STK33: variants seen among roughly 807,000 people sequenced by gnomAD.
STK33 encodes the protein serine/threonine kinase 33.
STK33 carries 52 observed loss-of-function variants against 58.0 expected under a neutral mutation model. The observed-to-expected ratio is 0.90, with a 90% CI of 0.72 to 1.13. The LOEUF is 1.13. Among genes scored for constraint, STK33 ranks in the 50% most tolerant of loss-of-function variants. The pLI is 0.00. For synonymous variants in STK33, 215 were observed against 200.1 expected (o/e 1.07, Z -0.63); for missense variants, 630 against 604.2 (o/e 1.04, Z -0.45).
chr11:8,345,498 C>G, the STK33 span, among the ~76,000 whole-genome samples: 4 of 152,332 alleles, frequency 2.6e-5, no homozygotes, highest in African/African-American at 9.6e-5. Flanking sequence ...CGGATCTTCA[C>G]GGAGCTAACG....
chr11:8,390,299 G>T (rs143837207), downstream of STK33, among the ~76,000 whole-genome samples: 1 of 152,118 alleles, frequency 6.6e-6, no homozygotes, highest in African/African-American at 2.4e-5. Flanking sequence ...ACTATGTCCC[G>T]CTGGATCACA....
chr11:8,472,741 G>A (rs968402941), intron 6 of STK33, among the ~76,000 whole-genome samples: 8 of 151,884 alleles, frequency 5.3e-5, no homozygotes, highest in African/African-American at 1.7e-4. Flanking sequence ...AATAGTATTG[G>A]TATTTATCCA....
At chr11:8,580,360 C>T (rs540466852) in intron 1 of STK33, among the ~76,000 whole-genome samples, 27 of 152,070 alleles carry the variant, frequency 1.8e-4, no homozygotes, top group African/African-American at 6.5e-4. Context: ...CGAAATGAGC[C>T]AGGCACAGAA....
intron 1 of STK33, among the ~76,000 whole-genome samples, chr11:8,487,056 G>A (rs1015953929): frequency 1.3e-5 from 2 of 152,148 alleles, no homozygotes; most frequent in Non-Finnish European, 2.9e-5. Context: ...ACACCAAAAT[G>A]GAGTTGTAAG....
chr11:8,433,569 AT>A (rs1489368252), intron 14 of STK33, among the ~76,000 whole-genome samples: 1 of 152,226 alleles, frequency 6.6e-6, no homozygotes, highest in Non-Finnish European at 1.5e-5. Context: ...TGGATGCCAC[AT>A]AAGCATTGCA....
chr11:8,420,774 A>T (rs567225784), intron 14 of STK33, among the ~76,000 whole-genome samples: 97 of 152,282 alleles, frequency 6.4e-4, no homozygotes, highest in African/African-American at 2.3e-3. Flanking sequence ...AGGCCAGAGG[A>T]TCACTTGAGC....
intron 14 of STK33, among the ~76,000 whole-genome samples, chr11:8,426,604 G>T (rs1392034870): frequency 6.6e-6 from 1 of 152,100 alleles, no homozygotes; most frequent in Admixed American, 6.5e-5. Context: ...CTCTATTTCT[G>T]TCTTAATTTT....
rs751286120 is a variant in STK33, at chr11:8,435,981, T to C, written c.1060+46A>G. 2.6e-6 allele frequency: 3 copies of C among 1,174,374 alleles called. No individual in the cohort carries two copies. The African/African-American group carries it at 4.7e-5, about 19-fold the overall frequency. The allele number at this position is 1,174,374 out of a possible 1,614,324, so 72.7% of individuals were successfully genotyped here. On this transcript the variant is annotated intron_variant, in intron 13 of 15. Coordinates refer to ENST00000687296, the MANE Select transcript of STK33 (RefSeq NM_001352389.2). ...TTTTAACCACAGGCCAACTTTCTTA[T>C]GTTACTTATATTAGCTTTAGTAAAT...
At chr11:8,520,980 T>G (rs1953369949) in intron 1 of STK33, among the ~76,000 whole-genome samples, 1 of 151,322 alleles carries the variant, frequency 6.6e-6, no homozygotes, top group South Asian at 2.1e-4. Flanking sequence ...TGAAATTGGA[T>G]CTTTATCTAA....
chr11:8,578,674 A>G (rs1442961647), intron 1 of STK33, among the ~76,000 whole-genome samples: 1 of 151,988 alleles, frequency 6.6e-6, no homozygotes, highest in African/African-American at 2.4e-5. Flanking sequence ...TTAAATGGGT[A>G]TCAAGGCCAC....
the STK33 span, among the ~76,000 whole-genome samples, chr11:8,359,946 T>G: frequency 1.3e-5 from 2 of 152,344 alleles, no homozygotes; most frequent in East Asian, 3.9e-4. Flanking sequence ...AGAAAGGGCA[T>G]GCAGACACAC....
chr11:8,440,823 C>A, intron 11 of STK33, 70 bp from the exon 12 acceptor site: 1 of 1,447,590 alleles, frequency 6.9e-7, no homozygotes, highest in Non-Finnish European at 9.4e-7. Flanking sequence ...TAAACACAAG[C>A]ATGAAAAATG....
chr11:8,462,444 C>T (rs1046486338), intron 7 of STK33, among the ~76,000 whole-genome samples: 2 of 106,124 alleles, frequency 1.9e-5, no homozygotes, highest in Admixed American at 9.1e-5. Context: ...TACATATATA[C>T]ACACACACAC....
At chr11:8,411,755 T>C (rs1276072998) in intron 15 of STK33, among the ~76,000 whole-genome samples, 1 of 152,204 alleles carries the variant, frequency 6.6e-6, no homozygotes, top group African/African-American at 2.4e-5. Flanking sequence ...GCTGGTGAAC[T>C]CTGACTATGG....
chr11:8,389,867 A>G (rs1417498332), downstream of STK33, among the ~76,000 whole-genome samples: 1 of 152,046 alleles, frequency 6.6e-6, no homozygotes, highest in Non-Finnish European at 1.5e-5. Context: ...CTCAGCTTCC[A>G]TTTCCCTGGG....
intron 15 of STK33, among the ~76,000 whole-genome samples, chr11:8,408,128 A>T (rs1337419470): frequency 6.6e-6 from 1 of 152,202 alleles, no homozygotes; most frequent in Non-Finnish European, 1.5e-5. Context: ...TAAAGCACAA[A>T]TTATATCATT....
At chr11:8,450,742 T>C (rs976884308) in intron 11 of STK33, among the ~76,000 whole-genome samples, 3 of 152,058 alleles carry the variant, frequency 2.0e-5, no homozygotes, top group Non-Finnish European at 2.9e-5. Context: ...TAAATAAAAG[T>C]GCTGACAAAT....
At chr11:8,508,310 C>T (rs552828416) in intron 1 of STK33, among the ~76,000 whole-genome samples, 13 of 135,638 alleles carry the variant, frequency 9.6e-5, no homozygotes, top group African/African-American at 3.6e-4. Context: ...ACTCTTTCAC[C>T]CAGGCTGGAG....
At chr11:8,498,486 T>C (rs1017432620) in intron 1 of STK33, among the ~76,000 whole-genome samples, 2 of 152,050 alleles carry the variant, frequency 1.3e-5, no homozygotes, top group Non-Finnish European at 1.5e-5. Flanking sequence ...ATAGGAAGAA[T>C]CAATATCATG....
Sources: allele counts gnomAD v4.1 joint callset (sites outside exome capture counted in the v4.1 genomes callset), GRCh38; gene constraint gnomAD v4.1.1; transcripts MANE v1.5; gene names NCBI Gene and HGNC (gene_info 2026-07-23, HGNC 2026-07-21).